WWOX: variants seen among roughly 807,000 people sequenced by gnomAD.
The protein encoded by WWOX is WW domain-containing oxidoreductase.
In WWOX, 69 loss-of-function variants were observed where a neutral mutation model predicts 46.2. The observed-to-expected ratio is 1.49, with a 90% confidence interval of 1.23 to 1.82. WWOX has a LOEUF of 1.82. Among genes scored for constraint, WWOX ranks in the 40% most tolerant of loss-of-function variants. The pLI is 0.00. For synonymous variants in WWOX, 359 were observed against 202.6 expected (o/e 1.77, Z -6.56); for missense variants, 919 against 542.6 (o/e 1.69, Z -6.89).
intron 5 of WWOX, among the ~76,000 whole-genome samples, chr16:78,312,448 G>C (rs985632165): frequency 2.0e-5 from 3 of 147,288 alleles, no homozygotes; most frequent in Non-Finnish European, 4.4e-5. Flanking sequence ...CATGATTTCT[G>C]CTCACTGCAA....
intron 8 of WWOX, among the ~76,000 whole-genome samples, chr16:78,830,308 A>ATT (rs1472453194): frequency 5.2e-5 from 7 of 133,646 alleles, no homozygotes; most frequent in Non-Finnish European, 1.6e-5. Context: ...TAATAAGCAT[A>ATT]TTTATATATA....
intron 4 of WWOX, among the ~76,000 whole-genome samples, chr16:78,126,971 G>C (rs569442299): frequency 6.6e-6 from 1 of 152,320 alleles, no homozygotes; most frequent in African/African-American, 2.4e-5. Flanking sequence ...TTCAGGTGGA[G>C]AAATTGTACC....
intron 8 of WWOX, among the ~76,000 whole-genome samples, chr16:78,609,160 A>G (rs150243153): frequency 2.6e-5 from 4 of 152,198 alleles, no homozygotes; most frequent in Non-Finnish European, 5.9e-5. Flanking sequence ...AAATCTTTCT[A>G]TCCTTTCTCT....
intron 8 of WWOX, among the ~76,000 whole-genome samples, chr16:78,460,686 A>C (rs2083928196): frequency 6.6e-6 from 1 of 152,184 alleles, no homozygotes; most frequent in Non-Finnish European, 1.5e-5. Flanking sequence ...CTTTTGAAGA[A>C]CTAAAGAGTA....
chr16:78,828,100 A>G (rs766978142), intron 8 of WWOX, among the ~76,000 whole-genome samples: 16 of 152,112 alleles, frequency 1.1e-4, no homozygotes, highest in Non-Finnish European at 1.8e-4. Context: ...GTGAGGCCTT[A>G]ATGACACCCC....
chr16:78,487,311 C>G (rs2084662486), intron 8 of WWOX, among the ~76,000 whole-genome samples: 1 of 151,770 alleles, frequency 6.6e-6, no homozygotes. Context: ...TTATTTTCCT[C>G]CCAGAAAAAG....
At chr16:78,319,720 C>G (rs2080426571) in intron 5 of WWOX, among the ~76,000 whole-genome samples, 2 of 152,196 alleles carry the variant, frequency 1.3e-5, no homozygotes, top group Admixed American at 1.3e-4. Context: ...CATTTAACCA[C>G]CGCCACTACT....
At chr16:78,635,048 G>A (rs369233001) in intron 8 of WWOX, among the ~76,000 whole-genome samples, 4 of 152,004 alleles carry the variant, frequency 2.6e-5, no homozygotes, top group Admixed American at 1.3e-4. Context: ...GCTTCCCTGC[G>A]GGACATATTT....
chr16:78,351,802 G>A (rs1488812576), intron 5 of WWOX, among the ~76,000 whole-genome samples: 1 of 152,044 alleles, frequency 6.6e-6, no homozygotes, highest in Non-Finnish European at 1.5e-5. Flanking sequence ...GATTACAGAC[G>A]TGTATCACCA....
At chr16:78,559,094 G>A (rs549303216) in intron 8 of WWOX, among the ~76,000 whole-genome samples, 1 of 152,228 alleles carries the variant, frequency 6.6e-6, no homozygotes, top group Non-Finnish European at 1.5e-5. Context: ...TAGCTTGGGA[G>A]AGGGACAGTA....
intron 8 of WWOX, among the ~76,000 whole-genome samples, chr16:78,946,378 A>G (rs891607591): frequency 6.6e-6 from 1 of 151,892 alleles, no homozygotes; most frequent in Admixed American, 6.6e-5. Flanking sequence ...TTTAGTAGAG[A>G]CGGGGTTTCA....
At chr16:79,104,294 C>T (rs559144805) in intron 8 of WWOX, among the ~76,000 whole-genome samples, 103 of 152,228 alleles carry the variant, frequency 6.8e-4, no homozygotes, top group Non-Finnish European at 1.1e-3. Context: ...GGTAAAACCT[C>T]AGTTATCATC....
intron 6 of WWOX, among the ~76,000 whole-genome samples, chr16:78,415,585 C>T (rs902198920): frequency 6.6e-5 from 10 of 152,082 alleles, no homozygotes; most frequent in African/African-American, 2.2e-4. Context: ...AAGATGGAGT[C>T]TGTTAGGTTA....
chr16:78,307,292 G>C (rs1413798899), intron 5 of WWOX, among the ~76,000 whole-genome samples: 3 of 152,184 alleles, frequency 2.0e-5, no homozygotes, highest in Admixed American at 1.3e-4. Context: ...ACGCTTCTAG[G>C]CTTCTGGAAA....
At chr16:78,530,446 TTC>T in intron 8 of WWOX, among the ~76,000 whole-genome samples, 1 of 152,320 alleles carries the variant, frequency 6.6e-6, no homozygotes, top group African/African-American at 2.4e-5. Flanking sequence ...GAAGGTAATT[TTC>T]CCCTGGAGCT....
At chr16:79,041,082 C>G (rs1033273436) in intron 8 of WWOX, among the ~76,000 whole-genome samples, 1 of 151,928 alleles carries the variant, frequency 6.6e-6, no homozygotes, top group Non-Finnish European at 1.5e-5. Context: ...ATGCAATGTC[C>G]TAATACATGT....
At chr16:78,121,015 A>G (rs927235145) in intron 4 of WWOX, among the ~76,000 whole-genome samples, 3 of 152,076 alleles carry the variant, frequency 2.0e-5, no homozygotes, top group East Asian at 1.9e-4. Context: ...AAAAGGTCCC[A>G]TAAATCTGGG....
At chr16:78,585,118 T>C (rs550381524) in intron 8 of WWOX, among the ~76,000 whole-genome samples, 2 of 152,228 alleles carry the variant, frequency 1.3e-5, no homozygotes, top group Non-Finnish European at 2.9e-5. Context: ...TCTTTAGCCA[T>C]GTCCGTGTGA....
At chr16:78,715,428 T>C (rs1395852682) in intron 8 of WWOX, among the ~76,000 whole-genome samples, 5 of 151,748 alleles carry the variant, frequency 3.3e-5, no homozygotes, top group African/African-American at 1.2e-4. Context: ...GAAAGAGGGG[T>C]AGGAATTTTT....
Sources: allele counts gnomAD v4.1 joint callset (sites outside exome capture counted in the v4.1 genomes callset), GRCh38; gene constraint gnomAD v4.1.1; transcripts MANE v1.5; gene names NCBI Gene and HGNC (gene_info 2026-07-23, HGNC 2026-07-21).